Variants in PTPRO observed in about 807,000 individuals in gnomAD.
The protein encoded by PTPRO is receptor-type tyrosine-protein phosphatase O.
In PTPRO, 62 loss-of-function variants were observed where a neutral mutation model predicts 145.2. The observed-to-expected ratio is 0.43, with a 90% confidence interval of 0.35 to 0.53. The LOEUF (loss-of-function observed/expected upper bound fraction) is 0.53. Ranked by LOEUF, PTPRO falls within the 20% of genes least tolerant of loss-of-function variation. The probability of loss-of-function intolerance (pLI) is 0.01; values close to 1 mark genes in which losing one functional copy is unlikely to be tolerated. For synonymous variants in PTPRO, 565 were observed against 514.7 expected, an observed-to-expected ratio of 1.10 and a Z score of -1.32; for missense variants, 1,345 against 1,482.7, an observed-to-expected ratio of 0.91 and a Z score of 1.53.
intron 1 of PTPRO, among the ~76,000 whole-genome samples, chr12:15,396,759 G>A (rs1291080774): frequency 6.6e-6 from 1 of 152,118 alleles, no homozygotes; most frequent in Non-Finnish European, 1.5e-5. Flanking sequence ...AGTCAAGGAA[G>A]CATTTTTATT....
chr12:15,525,071 A>G, intron 11 of PTPRO, 106 bp downstream of exon 11: 1 of 1,363,176 alleles, frequency 7.3e-7, no homozygotes, highest in Non-Finnish European at 1.0e-6. Context: ...TTTGCATACC[A>G]GTTGTCTGTT....
intron 1 of PTPRO, among the ~76,000 whole-genome samples, chr12:15,464,600 C>G (rs1941376928): frequency 6.6e-6 from 1 of 150,698 alleles, no homozygotes; most frequent in African/African-American, 2.4e-5. Context: ...CTCAAGTGAT[C>G]TGCCCACCTT....
At chr12:15,514,919 T>G (rs1026587657) in intron 7 of PTPRO, among the ~76,000 whole-genome samples, 1 of 151,986 alleles carries the variant, frequency 6.6e-6, no homozygotes, top group Non-Finnish European at 1.5e-5. Flanking sequence ...CCTGCCACCA[T>G]GCCTGGCTAA....
chr12:15,555,243 G>A (rs1565425416), intron 15 of PTPRO, among the ~76,000 whole-genome samples: 1 of 149,508 alleles, frequency 6.7e-6, no homozygotes, highest in Non-Finnish European at 1.5e-5. Context: ...TCCGTCTCAG[G>A]AAAAAAAAAA....
At chr12:15,376,721 G>A (rs1280816701) in intron 1 of PTPRO, among the ~76,000 whole-genome samples, 1 of 152,110 alleles carries the variant, frequency 6.6e-6, no homozygotes, top group Non-Finnish European at 1.5e-5. Context: ...TTCTTGCTGT[G>A]TCCTTACATG....
chr12:15,412,566 G>A (rs1939829347), intron 1 of PTPRO, among the ~76,000 whole-genome samples: 1 of 151,962 alleles, frequency 6.6e-6, no homozygotes, highest in Non-Finnish European at 1.5e-5. Context: ...ATTACATGAG[G>A]GTAACTCTAA....
At chr12:15,366,385 T>A (rs769074177) in intron 1 of PTPRO, among the ~76,000 whole-genome samples, 4 of 152,172 alleles carry the variant, frequency 2.6e-5, no homozygotes, top group Non-Finnish European at 5.9e-5. Context: ...TGGCAGATTC[T>A]AAGTTAGGAT....
At chr12:15,485,077 T>C (rs1038138617) in intron 2 of PTPRO, among the ~76,000 whole-genome samples, 1 of 152,128 alleles carries the variant, frequency 6.6e-6, no homozygotes, top group Non-Finnish European at 1.5e-5. Context: ...TTAAATGCCA[T>C]CTATGTGTGA....
intron 14 of PTPRO, among the ~76,000 whole-genome samples, chr12:15,549,584 T>G (rs956917318): frequency 1.4e-4 from 21 of 152,330 alleles, no homozygotes; most frequent in African/African-American, 5.1e-4. Flanking sequence ...CTATTTAGCC[T>G]TGGTCTTCAT....
chr12:15,403,310 C>T (rs1019302918), intron 1 of PTPRO, among the ~76,000 whole-genome samples: 29 of 152,154 alleles, frequency 1.9e-4, no homozygotes, highest in Non-Finnish European at 3.2e-4. Context: ...TGGCCAGGTG[C>T]GATGGCTCAC....
At position 15,526,134 on chromosome 12, in the gene PTPRO, T is replaced by C. The variant is rs373829369; in HGVS notation, c.2044-8T>C. On this transcript the variant is annotated splice_region_variant and splice_polypyrimidine_tract_variant and intron_variant, in intron 11 of 26. Coordinates refer to ENST00000281171, the MANE Select transcript of PTPRO (RefSeq NM_030667.3). ...AAGTTTAAACCCTTGATTTTGATGA[T>C]CTTGCAGGTAACACGCAATGTCATG... The C allele has an allele frequency of 3.1e-6, 5 of 1,613,852 alleles. No homozygotes were observed. Among genetic ancestry groups the C allele is most frequent in the African/African-American group, 2.7e-5 (2 of 74,914 alleles).
chr12:15,501,981 C>G lies in PTPRO; in HGVS notation c.1023C>G (p.Phe341Leu). 6.2e-7 allele frequency: 1 copy of G among 1,613,978 alleles called. No homozygotes were observed. Among genetic ancestry groups the G allele is most frequent in the South Asian group, 1.1e-5 (1 of 91,068 alleles). Residue 341 changes from phenylalanine to leucine, a missense_variant, in exon 5 of 27, where the codon TTC becomes TTG. By Grantham distance (22) the Phe-to-Leu change is conservative. This residue lies in a region of PTPRO where 1,130 missense variants were observed against 1,214.7 expected (regional missense o/e 0.93). Transcript: ENST00000281171. The stretch of plus-strand genomic sequence containing the variant: ...CAACATCAGGCTCTTTCTCCTTTTT[C>G]CCTGTGCAAATGATATTGACCTGGT... Reference protein sequence around the residue: ...EKSTSGSFSFFPVQMILTWLP... With the variant: ...EKSTSGSFSFLPVQMILTWLP...
In PTPRO at chr12:15,499,545, C is replaced by T. The variant is rs139561990; in HGVS notation, c.612C>T (p.Thr204=). 1,723 of 1,613,730 alleles carry T rather than the reference C, an allele frequency of 1.1e-3. 1 individual carries two copies. The highest frequency in any genetic ancestry group is 1.4e-3 in the Non-Finnish European group (1,605 of 1,179,796). Residue 204 remains threonine, a synonymous_variant, in exon 4 of 27, where the codon ACC becomes ACT. Coordinates refer to ENST00000281171, the MANE Select transcript of PTPRO (RefSeq NM_030667.3). ...LVSEATFNKS[T]LVEYSGVSHE... ...CTGAGGCAACTTTTAATAAAAGTAC[C>T]CTTGTTGAGTACAGTGGTGTCAGTC...
At chr12:15,463,864 G>A (rs186966293) in intron 1 of PTPRO, among the ~76,000 whole-genome samples, 1 of 152,180 alleles carries the variant, frequency 6.6e-6, no homozygotes, top group African/African-American at 2.4e-5. Context: ...TGACACAGGA[G>A]GGGTAGGCTG....
At chr12:15,558,749 A>C (rs1414056807) in intron 16 of PTPRO, among the ~76,000 whole-genome samples, 1 of 152,220 alleles carries the variant, frequency 6.6e-6, no homozygotes, top group African/African-American at 2.4e-5. Context: ...AGAATCAATG[A>C]GGGAGGGAGA....
chr12:15,570,044 A>G (rs576744787), intron 19 of PTPRO, among the ~76,000 whole-genome samples: 2 of 152,302 alleles, frequency 1.3e-5, no homozygotes, highest in Admixed American at 6.5e-5. Context: ...GTTACACATG[A>G]TTTGTGTTAA....
intron 12 of PTPRO, among the ~76,000 whole-genome samples, chr12:15,537,784 G>C (rs1943095240): frequency 6.6e-6 from 1 of 152,156 alleles, no homozygotes; most frequent in Admixed American, 6.5e-5. Context: ...GTGAGACTTG[G>C]TGTGATGTCC....
chr12:15,341,639 C>T (rs908624708), intron 1 of PTPRO, among the ~76,000 whole-genome samples: 1 of 152,196 alleles, frequency 6.6e-6, no homozygotes, highest in African/African-American at 2.4e-5. Context: ...TAAAGGCATA[C>T]TGCCTTTATA....
At chr12:15,577,733 T>A (rs1302105867) in intron 19 of PTPRO, among the ~76,000 whole-genome samples, 1 of 152,208 alleles carries the variant, frequency 6.6e-6, no homozygotes, top group African/African-American at 2.4e-5. Context: ...TTATGTACAC[T>A]GTTTACTAAC....
Sources: allele counts gnomAD v4.1 joint callset (sites outside exome capture counted in the v4.1 genomes callset), GRCh38; gene constraint gnomAD v4.1.1; regional missense constraint gnomAD v4.1.1; transcripts MANE v1.5; gene names NCBI Gene and HGNC (gene_info 2026-07-23, HGNC 2026-07-21).